The following SPATA9 variants were observed in gnomAD, a reference collection of about 807,000 sequenced individuals.
The protein encoded by SPATA9 is spermatogenesis associated 9.
In SPATA9, 27 loss-of-function variants were observed where a neutral mutation model predicts 25.5. That is an observed-to-expected ratio of 1.06 (90% CI 0.78 to 1.46). The LOEUF (loss-of-function observed/expected upper bound fraction) is 1.46, where lower values mean the gene tolerates loss of function less well. SPATA9 is among the 40% of genes most tolerant of loss of function. The probability of loss-of-function intolerance (pLI) is 0.00; values close to 1 mark genes in which losing one functional copy is unlikely to be tolerated. For synonymous variants in SPATA9, 102 were observed against 105.7 expected, an observed-to-expected ratio of 0.97 and a Z score of 0.21; for missense variants, 282 against 297.5, an observed-to-expected ratio of 0.95 and a Z score of 0.38.
the SPATA9 span, among the ~76,000 whole-genome samples, chr5:95,718,146 A>G: frequency 6.6e-6 from 1 of 152,182 alleles, no homozygotes; most frequent in Non-Finnish European, 1.5e-5. Context: ...CTGAACTAAA[A>G]GATACTTTCC....
the SPATA9 span, chr5:95,731,141 C>T: frequency 9.9e-7 from 1 of 1,014,894 alleles, no homozygotes; most frequent in South Asian, 3.5e-5. Flanking sequence ...TATTCCGCGG[C>T]GCCCCGCGCG....
intron 2 of SPATA9, among the ~76,000 whole-genome samples, chr5:95,677,033 C>G (rs1033188588): frequency 1.3e-5 from 2 of 152,190 alleles, no homozygotes; most frequent in Admixed American, 6.5e-5. Context: ...AGTTCACTCC[C>G]TCACTTCCTT....
the SPATA9 span, among the ~76,000 whole-genome samples, chr5:95,705,516 G>C: frequency 6.6e-6 from 1 of 151,914 alleles, no homozygotes; most frequent in Non-Finnish European, 1.5e-5. Context: ...TCAGTTTTAT[G>C]TACAGAACTA....
At chr5:95,666,487 T>C (rs1208301720) in intron 3 of SPATA9, among the ~76,000 whole-genome samples, 1 of 152,188 alleles carries the variant, frequency 6.6e-6, no homozygotes, top group Non-Finnish European at 1.5e-5. Context: ...AATAAGAAAA[T>C]GCTTGTAAAA....
chr5:95,714,057 A>G, the SPATA9 span, among the ~76,000 whole-genome samples: 2 of 152,086 alleles, frequency 1.3e-5, no homozygotes, highest in Non-Finnish European at 2.9e-5. Context: ...CTAATTTTTT[A>G]TATCTCTATT....
At chr5:95,661,175 A>G (rs544143967) in intron 4 of SPATA9, among the ~76,000 whole-genome samples, 7 of 151,974 alleles carry the variant, frequency 4.6e-5, no homozygotes, top group Non-Finnish European at 8.8e-5. Context: ...ACTACTCACA[A>G]CATCCTGAGT....
chr5:95,685,420 A>G (rs1325167360), upstream of SPATA9, among the ~76,000 whole-genome samples: 1 of 152,152 alleles, frequency 6.6e-6, no homozygotes, highest in Non-Finnish European at 1.5e-5. Context: ...CTCAAAACCT[A>G]TCTGCCATGT....
intron 2 of SPATA9, among the ~76,000 whole-genome samples, chr5:95,681,976 A>T (rs1317351507): frequency 6.6e-6 from 1 of 152,150 alleles, no homozygotes; most frequent in Admixed American, 6.6e-5. Context: ...ACAAGTTGTT[A>T]CTTTTTCCTG....
intron 1 of SPATA9, among the ~76,000 whole-genome samples, chr5:95,693,127 C>T (rs1011023496): frequency 6.6e-6 from 1 of 152,166 alleles, no homozygotes; most frequent in African/African-American, 2.4e-5. Context: ...CTCAGGAATG[C>T]TCACGCACTG....
the SPATA9 span, chr5:95,731,253 C>T: frequency 1.0e-6 from 1 of 1,004,862 alleles, no homozygotes; most frequent in Non-Finnish European, 1.2e-6. Context: ...GCACGTGCTG[C>T]GCCCGGTCCG....
chr5:95,712,364 T>C, the SPATA9 span, among the ~76,000 whole-genome samples: 3 of 152,208 alleles, frequency 2.0e-5, no homozygotes, highest in African/African-American at 7.2e-5. Context: ...ATCTTGTCTC[T>C]GAGTTGTAAC....
At chr5:95,700,841 T>C (rs1754166490), upstream of SPATA9, among the ~76,000 whole-genome samples, 1 of 152,222 alleles carries the variant, frequency 6.6e-6, no homozygotes, top group African/African-American at 2.4e-5. Context: ...TAGTGTGTGG[T>C]ATGAGTGTAG....
intron 2 of SPATA9, among the ~76,000 whole-genome samples, chr5:95,681,094 G>T (rs185599555): frequency 6.6e-6 from 1 of 152,222 alleles, no homozygotes; most frequent in East Asian, 1.9e-4. Flanking sequence ...CCTCCATTCG[G>T]ATCTCATTAC....
chr5:95,721,468 GAC>G, the SPATA9 span, among the ~76,000 whole-genome samples: 1 of 152,160 alleles, frequency 6.6e-6, no homozygotes, highest in African/African-American at 2.4e-5. Context: ...TCGGAGTTGT[GAC>G]AGTTACTGAC....
intron 3 of SPATA9, among the ~76,000 whole-genome samples, chr5:95,673,034 C>A (rs951083838): frequency 6.6e-6 from 1 of 152,066 alleles, no homozygotes; most frequent in Non-Finnish European, 1.5e-5. Context: ...AAAATAAAGC[C>A]CTCTCCTTTT....
intron 2 of SPATA9, among the ~76,000 whole-genome samples, chr5:95,677,741 G>A (rs1753080237): frequency 6.6e-6 from 1 of 152,182 alleles, no homozygotes; most frequent in Non-Finnish European, 1.5e-5. Context: ...CTATTTTGTA[G>A]TATATATGGT....
At chr5:95,653,095 T>C (rs1342949478) in exon 9 of SPATA9, 25 of 1,550,818 alleles carry the variant, frequency 1.6e-5, no homozygotes, top group Non-Finnish European at 2.1e-5. Context: ...CCTTCAGGCT[T>C]TTGTATTTGC....
downstream of SPATA9, chr5:95,655,304 G>T (rs982714987): frequency 2.0e-5 from 3 of 152,160 alleles, no homozygotes; most frequent in Admixed American, 6.5e-5. Flanking sequence ...TTTGGATATA[G>T]AGGGGAAAAT....
chr5:95,709,068 G>A, the SPATA9 span, among the ~76,000 whole-genome samples: 14 of 152,128 alleles, frequency 9.2e-5, no homozygotes, highest in Non-Finnish European at 1.6e-4. Context: ...CTTCAGAGCC[G>A]TTGGCATCGT....
Sources: allele counts gnomAD v4.1 joint callset (sites outside exome capture counted in the v4.1 genomes callset), GRCh38; gene constraint gnomAD v4.1.1; transcripts MANE v1.5; gene names NCBI Gene and HGNC (gene_info 2026-07-23, HGNC 2026-07-21).